The following FHIT variants were observed in gnomAD, a reference collection of about 807,000 sequenced individuals.
The protein encoded by FHIT is fragile histidine triad diadenosine triphosphatase, also known as bis(5'-adenosyl)-triphosphatase.
In FHIT, 19 loss-of-function variants were observed where a neutral mutation model predicts 17.9. The observed-to-expected ratio is 1.06, with a 90% CI of 0.74 to 1.56. The LOEUF (loss-of-function observed/expected upper bound fraction) is 1.56. FHIT is among the 40% of genes most tolerant of loss of function. FHIT has a pLI of 0.00. For synonymous variants in FHIT, 81 were observed against 69.7 expected, an observed-to-expected ratio of 1.16 and a Z score of -0.81; for missense variants, 248 against 189.2, an observed-to-expected ratio of 1.31 and a Z score of -1.82.
At chr3:60,435,442 ATTT>A (rs11347167) in intron 5 of FHIT, among the ~76,000 whole-genome samples, 61 of 151,160 alleles carry the variant, frequency 4.0e-4, no homozygotes, top group African/African-American at 1.4e-3. Context: ...AATAAAAATG[ATTT>A]TTTTTTTTAC....
intron 5 of FHIT, among the ~76,000 whole-genome samples, chr3:60,113,547 T>C (rs939729837): frequency 1.3e-5 from 2 of 151,730 alleles, no homozygotes; most frequent in African/African-American, 4.9e-5. Flanking sequence ...AAATCAGAAA[T>C]CTTGGCCCAA....
chr3:60,410,535 C>T (rs1702024214), intron 5 of FHIT, among the ~76,000 whole-genome samples: 1 of 152,078 alleles, frequency 6.6e-6, no homozygotes, highest in Non-Finnish European at 1.5e-5. Flanking sequence ...AAAGTATTCA[C>T]AGCATTTTTT....
At chr3:60,761,009 T>G (rs139985919) in intron 4 of FHIT, among the ~76,000 whole-genome samples, 1 of 152,314 alleles carries the variant, frequency 6.6e-6, no homozygotes, top group African/African-American at 2.4e-5. Flanking sequence ...TCTGAAGCCT[T>G]ACTTTTAATA....
At chr3:61,002,386 C>G (rs2031152210) in intron 3 of FHIT, among the ~76,000 whole-genome samples, 1 of 152,172 alleles carries the variant, frequency 6.6e-6, no homozygotes, top group African/African-American at 2.4e-5. Flanking sequence ...CCTCAGCCTC[C>G]CGAGTAGCTG....
intron 4 of FHIT, among the ~76,000 whole-genome samples, chr3:60,764,960 G>A (rs1699798161): frequency 6.6e-6 from 1 of 152,070 alleles, no homozygotes; most frequent in South Asian, 2.1e-4. Flanking sequence ...CCTAAGCTAC[G>A]CAAGCCATCA....
intron 3 of FHIT, among the ~76,000 whole-genome samples, chr3:60,869,544 C>A (rs1704311288): frequency 6.6e-6 from 1 of 152,110 alleles, no homozygotes; most frequent in African/African-American, 2.4e-5. Flanking sequence ...CTCTGAATTC[C>A]AAATTTCAGA....
intron 2 of FHIT, among the ~76,000 whole-genome samples, chr3:61,190,209 A>AT (rs1174344020): frequency 6.6e-6 from 1 of 152,260 alleles, no homozygotes; most frequent in Non-Finnish European, 1.5e-5. Flanking sequence ...AATATGCCAA[A>AT]TCTACAATGA....
chr3:60,489,306 A>C (rs2033967949), intron 5 of FHIT, among the ~76,000 whole-genome samples: 1 of 152,192 alleles, frequency 6.6e-6, no homozygotes, highest in Non-Finnish European at 1.5e-5. Context: ...AGAAATGTAC[A>C]TATGATCTCA....
intron 8 of FHIT, among the ~76,000 whole-genome samples, chr3:59,910,487 G>A (rs1305099028): frequency 6.6e-6 from 1 of 152,100 alleles, no homozygotes; most frequent in East Asian, 1.9e-4. Flanking sequence ...CCTTCTCTTT[G>A]AAAAAATCTT....
At chr3:60,893,816 G>T (rs782362667) in intron 3 of FHIT, among the ~76,000 whole-genome samples, 2 of 152,282 alleles carry the variant, frequency 1.3e-5, no homozygotes, top group Non-Finnish European at 2.9e-5. Flanking sequence ...TAAAGTCAAG[G>T]ATTCCATCCA....
chr3:60,173,281 TG>T (rs1002364580), intron 5 of FHIT, among the ~76,000 whole-genome samples: 2 of 152,142 alleles, frequency 1.3e-5, no homozygotes, highest in Non-Finnish European at 2.9e-5. Context: ...CAGGCACACC[TG>T]GGAAGAAGGC....
At chr3:61,177,482 A>T (rs2038195964) in intron 2 of FHIT, among the ~76,000 whole-genome samples, 1 of 152,220 alleles carries the variant, frequency 6.6e-6, no homozygotes, top group Admixed American at 6.5e-5. Context: ...GTTACTTTAA[A>T]TGTATATTTT....
At chr3:60,085,765 A>G (rs1490726964) in intron 5 of FHIT, among the ~76,000 whole-genome samples, 2 of 152,186 alleles carry the variant, frequency 1.3e-5, no homozygotes, top group African/African-American at 4.8e-5. Context: ...CAAGTTGTTT[A>G]TCTTTTGAGT....
At chr3:60,462,067 C>G (rs1232749506) in intron 5 of FHIT, among the ~76,000 whole-genome samples, 1 of 152,080 alleles carries the variant, frequency 6.6e-6, no homozygotes, top group Non-Finnish European at 1.5e-5. Flanking sequence ...AATGGGTGCC[C>G]CACAGTGAGT....
At chr3:59,874,384 C>T (rs1703058272) in intron 8 of FHIT, among the ~76,000 whole-genome samples, 2 of 152,306 alleles carry the variant, frequency 1.3e-5, no homozygotes, top group Middle Eastern at 6.8e-3. Context: ...AGTTCTCAAG[C>T]TTTACTGTTT....
intron 8 of FHIT, among the ~76,000 whole-genome samples, chr3:59,764,179 G>A (rs1176460195): frequency 2.6e-5 from 4 of 152,094 alleles, no homozygotes; most frequent in African/African-American, 7.2e-5. Context: ...AGAAAAGCAG[G>A]TGAGCAGCAA....
chr3:60,022,439 C>A (rs549358966), intron 5 of FHIT, among the ~76,000 whole-genome samples: 64 of 152,304 alleles, frequency 4.2e-4, no homozygotes, highest in African/African-American at 1.4e-3. Flanking sequence ...AAATGATATA[C>A]GTCACTTCTG....
chr3:60,298,779 A>G (rs905427624), intron 5 of FHIT, among the ~76,000 whole-genome samples: 1 of 152,152 alleles, frequency 6.6e-6, no homozygotes, highest in South Asian at 2.1e-4. Flanking sequence ...TAAACTTAAA[A>G]TAAGTCAACT....
intron 4 of FHIT, among the ~76,000 whole-genome samples, chr3:60,759,223 G>A (rs1308408412): frequency 6.6e-6 from 1 of 152,188 alleles, no homozygotes; most frequent in Admixed American, 6.5e-5. Context: ...AATTGATTTA[G>A]GTTCAAGGGG....
Sources: gnomAD v4.1 joint callset for allele counts (sites outside exome capture counted in the v4.1 genomes callset) on GRCh38, gnomAD v4.1.1 for gene constraint, MANE v1.5 for transcripts, NCBI Gene and HGNC (gene_info 2026-07-23, HGNC 2026-07-21) for gene names.